The following ARSB variants were observed in gnomAD, a reference collection of about 807,000 sequenced individuals.
The protein encoded by ARSB is arylsulfatase B.
A neutral mutation model predicts 50.9 loss-of-function variants in ARSB; 41 were observed. The observed-to-expected ratio is 0.81, with a 90% CI of 0.63 to 1.04. ARSB has a LOEUF of 1.04. Ranked by LOEUF, ARSB falls within the 50% of genes least tolerant of loss-of-function variation. ARSB has a pLI of 0.00. For synonymous variants in ARSB, 269 were observed against 284.8 expected, an observed-to-expected ratio of 0.94 and a Z score of 0.56; for missense variants, 672 against 693.3, an observed-to-expected ratio of 0.97 and a Z score of 0.35.
At chr5:78,838,489 A>C (rs1304521446) in intron 6 of ARSB, among the ~76,000 whole-genome samples, 1 of 152,196 alleles carries the variant, frequency 6.6e-6, no homozygotes, top group East Asian at 1.9e-4. Context: ...TCTCTGAATG[A>C]GAATATTTTG....
intron 6 of ARSB, among the ~76,000 whole-genome samples, chr5:78,789,053 G>C (rs1348944691): frequency 1.3e-5 from 2 of 152,172 alleles, no homozygotes; most frequent in Admixed American, 1.3e-4. Context: ...AGATACTTCT[G>C]ATCTTCATGA....
At chr5:78,919,886 T>C (rs1035885079) in intron 4 of ARSB, among the ~76,000 whole-genome samples, 2 of 152,200 alleles carry the variant, frequency 1.3e-5, no homozygotes, top group Non-Finnish European at 2.9e-5. Context: ...TACATACCTC[T>C]AGAAGCCCAG....
At chr5:78,978,349 A>C (rs1431120626) in intron 1 of ARSB, among the ~76,000 whole-genome samples, 2 of 152,034 alleles carry the variant, frequency 1.3e-5, no homozygotes, top group Non-Finnish European at 2.9e-5. Flanking sequence ...AAAAAAAAAA[A>C]AAACCCTCTA....
At chr5:78,906,823 A>G (rs1749088314) in intron 4 of ARSB, among the ~76,000 whole-genome samples, 1 of 152,196 alleles carries the variant, frequency 6.6e-6, no homozygotes, top group South Asian at 2.1e-4. Flanking sequence ...CCATGATTTT[A>G]ATGAGAATGG....
chr5:78,937,855 C>A (rs1237595735), intron 4 of ARSB, among the ~76,000 whole-genome samples: 1 of 152,034 alleles, frequency 6.6e-6, no homozygotes, highest in Non-Finnish European at 1.5e-5. Context: ...TATAAGGTGC[C>A]AAGATTATCA....
intron 1 of ARSB, among the ~76,000 whole-genome samples, chr5:78,972,448 G>A (rs960981597): frequency 1.3e-5 from 2 of 151,430 alleles, no homozygotes; most frequent in Non-Finnish European, 2.9e-5. Context: ...GACCCTGAAT[G>A]ATAAGGATGT....
chr5:78,874,343 T>C (rs1021057826), intron 5 of ARSB, among the ~76,000 whole-genome samples: 2 of 152,210 alleles, frequency 1.3e-5, no homozygotes, highest in African/African-American at 2.4e-5. Context: ...TATTACATAT[T>C]ACATGCTCTG....
At chr5:78,894,061 A>C (rs906824420) in intron 4 of ARSB, among the ~76,000 whole-genome samples, 1 of 152,234 alleles carries the variant, frequency 6.6e-6, no homozygotes, top group Admixed American at 6.5e-5. Context: ...TTGACTAGAC[A>C]GCTGTTTATC....
intron 6 of ARSB, among the ~76,000 whole-genome samples, chr5:78,782,621 T>C (rs1195528313): frequency 6.6e-6 from 1 of 152,202 alleles, no homozygotes; most frequent in Non-Finnish European, 1.5e-5. Flanking sequence ...GGTTTTTTGC[T>C]TTTGTGGGGA....
chr5:78,844,666 C>A (rs1251600967), intron 5 of ARSB, among the ~76,000 whole-genome samples: 1 of 152,124 alleles, frequency 6.6e-6, no homozygotes, highest in African/African-American at 2.4e-5. Context: ...TTAATTCTTA[C>A]ATTTAGGTCT....
At chr5:78,792,736 G>A (rs1040775315) in intron 6 of ARSB, among the ~76,000 whole-genome samples, 5 of 151,758 alleles carry the variant, frequency 3.3e-5, no homozygotes, top group Non-Finnish European at 7.4e-5. Flanking sequence ...GTCGCCATAA[G>A]CCCAGGCAAA....
At chr5:78,822,481 C>T (rs1216684338) in intron 6 of ARSB, among the ~76,000 whole-genome samples, 1 of 151,930 alleles carries the variant, frequency 6.6e-6, no homozygotes, top group African/African-American at 2.4e-5. Flanking sequence ...TGCTTTGTTG[C>T]CTTTTTTCTT....
intron 4 of ARSB, 115 bp downstream of exon 4, chr5:78,955,180 G>C (rs1425390127): frequency 3.4e-5 from 34 of 1,005,446 alleles, no homozygotes; most frequent in Non-Finnish European, 5.0e-5. Context: ...CACTATTGCA[G>C]TTTGCATTTA....
At chr5:78,795,534 G>C (rs1344786573) in intron 6 of ARSB, among the ~76,000 whole-genome samples, 1 of 152,172 alleles carries the variant, frequency 6.6e-6, no homozygotes, top group Non-Finnish European at 1.5e-5. Flanking sequence ...AAATAGGGAG[G>C]CCTGACCACC....
At chr5:78,849,418 G>T (rs960624425) in intron 5 of ARSB, among the ~76,000 whole-genome samples, 11 of 151,966 alleles carry the variant, frequency 7.2e-5, no homozygotes, top group Admixed American at 7.2e-4. Context: ...CTGTTCCATT[G>T]ATCTATATCT....
At chr5:78,945,079 G>C (rs765794716) in intron 4 of ARSB, among the ~76,000 whole-genome samples, 1 of 152,218 alleles carries the variant, frequency 6.6e-6, no homozygotes, top group Admixed American at 6.5e-5. Context: ...CTCTGAGCCA[G>C]GCGCGGGATA....
At chr5:78,837,562 T>A (rs1161101647) in intron 6 of ARSB, among the ~76,000 whole-genome samples, 1 of 152,148 alleles carries the variant, frequency 6.6e-6, no homozygotes, top group Non-Finnish European at 1.5e-5. Flanking sequence ...CTTATGTAAG[T>A]TAATTAAAAT....
chr5:78,975,724 C>A (rs1395475809), intron 1 of ARSB, among the ~76,000 whole-genome samples: 1 of 152,194 alleles, frequency 6.6e-6, no homozygotes, highest in Non-Finnish European at 1.5e-5. Context: ...AATGACATGG[C>A]AATTTCAAGC....
At chr5:78,967,295 T>C (rs1352075859) in intron 2 of ARSB, among the ~76,000 whole-genome samples, 3 of 152,220 alleles carry the variant, frequency 2.0e-5, no homozygotes, top group African/African-American at 7.2e-5. Flanking sequence ...CTTTTGCTTT[T>C]CCTGAACATC....
Sources: allele counts gnomAD v4.1 joint callset (sites outside exome capture counted in the v4.1 genomes callset), GRCh38; gene constraint gnomAD v4.1.1; transcripts MANE v1.5; gene names NCBI Gene and HGNC (gene_info 2026-07-23, HGNC 2026-07-21).